Variants in PDE3A observed in about 807,000 individuals in gnomAD.
PDE3A encodes cGMP-inhibited 3',5'-cyclic phosphodiesterase 3A.
PDE3A carries 43 observed loss-of-function variants against 98.3 expected under a neutral mutation model. The observed-to-expected ratio is 0.44, with a 90% confidence interval of 0.34 to 0.56. PDE3A has a LOEUF of 0.56. PDE3A is among the 20% of genes least tolerant of loss of function. The probability of loss-of-function intolerance (pLI) is 0.01; values close to 1 mark genes in which losing one functional copy is unlikely to be tolerated. For missense variants in PDE3A, 1,427 were observed against 1,440.7 expected (o/e 0.99, Z 0.15); for synonymous variants, 663 against 567.9 (o/e 1.17, Z -2.38).
At chr12:20,484,116 G>T (rs1945680377) in intron 1 of PDE3A, among the ~76,000 whole-genome samples, 1 of 151,952 alleles carries the variant, frequency 6.6e-6, no homozygotes, top group African/African-American at 2.4e-5. Flanking sequence ...AATATTTTTA[G>T]CTGTTACCTA....
At chr12:20,588,582 A>G (rs933535518) in intron 2 of PDE3A, among the ~76,000 whole-genome samples, 1 of 152,200 alleles carries the variant, frequency 6.6e-6, no homozygotes, top group South Asian at 2.1e-4. Context: ...GATTCCGTGA[A>G]TTGACCCCAA....
At position 20,416,065 on chromosome 12, in the gene PDE3A, T is replaced by A. The variant is rs144387480; in HGVS notation, c.960+45821T>A. On this transcript the variant is annotated intron_variant, in intron 1 of 15. Transcript: ENST00000359062. ...ATACATGGTGGATCCCATCACTGTT[T>A]TATTTAGAAATACAAAATCAAGGTT... 6.6e-5 allele frequency among the ~76,000 whole-genome samples: 10 copies of A among 152,326 alleles called. No individual in the cohort carries two copies. In the East Asian group the frequency reaches 1.9e-3, roughly 29 times the overall value.
chr12:20,531,682 T>A (rs1163857277), intron 1 of PDE3A, among the ~76,000 whole-genome samples: 1 of 152,124 alleles, frequency 6.6e-6, no homozygotes, highest in Admixed American at 6.5e-5. Context: ...AAAAAAAAAT[T>A]GCACTGTAAC....
intron 1 of PDE3A, among the ~76,000 whole-genome samples, chr12:20,415,422 A>G (rs199718620): frequency 1.6e-5 from 1 of 63,782 alleles, no homozygotes; most frequent in African/African-American, 3.9e-5. Flanking sequence ...ATTTATTTAT[A>G]TTTTTTATTT....
chr12:20,678,653 G>T (rs935833161), intron 15 of PDE3A, among the ~76,000 whole-genome samples: 1 of 152,200 alleles, frequency 6.6e-6, no homozygotes. Flanking sequence ...TCTTCATGAA[G>T]CTGGAACTGT....
chr12:20,659,338 A>G (rs1405701033), intron 15 of PDE3A, among the ~76,000 whole-genome samples: 1 of 152,162 alleles, frequency 6.6e-6, no homozygotes, highest in Non-Finnish European at 1.5e-5. Context: ...TTTCTGCAGT[A>G]TATCAAAATA....
In PDE3A at chr12:20,517,743, C is replaced by T. The variant is rs139253604; in HGVS notation, c.961-38917C>T. Among the ~76,000 whole-genome samples the T allele has an allele frequency of 4.2e-4, 64 of 152,272 alleles. No homozygotes were observed. The East Asian group carries it at 0.011, about 27-fold the overall frequency. ...CTCTCTTCAGGCTCAGTCAGTAGGT[C>T]AGGGAAATGTCATGTGGGGCCATTT... On this transcript the variant is annotated intron_variant, in intron 1 of 15. Coordinates refer to ENST00000359062, the MANE Select transcript of PDE3A (RefSeq NM_000921.5).
At chr12:20,582,833 G>A (rs963216327) in intron 2 of PDE3A, among the ~76,000 whole-genome samples, 12 of 152,146 alleles carry the variant, frequency 7.9e-5, no homozygotes, top group Admixed American at 2.6e-4. Context: ...AGAGGTGAAA[G>A]AATAAAGGGA....
chr12:20,530,221 C>T (rs527273759), intron 1 of PDE3A, among the ~76,000 whole-genome samples: 9 of 152,166 alleles, frequency 5.9e-5, no homozygotes, highest in South Asian at 2.1e-4. Context: ...CTTTGCTTAG[C>T]GTAAACACTC....
chr12:20,670,455 T>A (rs1322108972), intron 15 of PDE3A, among the ~76,000 whole-genome samples: 6 of 151,868 alleles, frequency 4.0e-5, no homozygotes, highest in African/African-American at 1.2e-4. Flanking sequence ...GAAGTAAAGC[T>A]CTCCTCAGCA....
rs768097010 is a variant in PDE3A at position 20,680,289 on chromosome 12, T to C, written c.*18T>C. On this transcript the variant is annotated 3_prime_UTR_variant, in exon 16 of 16. Transcript: ENST00000359062. ...ACCAGTGACAATGGATAGAATGGGCTGTGTTTCCAAACAGATTGACTTGTC... is the reference window on the plus strand; with the variant it reads ...ACCAGTGACAATGGATAGAATGGGCCGTGTTTCCAAACAGATTGACTTGTC... 3 of 1,612,646 alleles carry C rather than the reference T, an allele frequency of 1.9e-6. No individual in the cohort carries two copies. The highest frequency in any genetic ancestry group is 3.3e-5 in the Admixed American group (2 of 59,902).
chr12:20,610,928 G>C (rs1254628267), intron 2 of PDE3A, among the ~76,000 whole-genome samples: 10 of 151,894 alleles, frequency 6.6e-5, no homozygotes, highest in Admixed American at 5.9e-4. Flanking sequence ...TAGGACAAAA[G>C]ATACAAAGTA....
At chr12:20,388,811 A>G (rs968076286) in intron 1 of PDE3A, among the ~76,000 whole-genome samples, 3 of 152,038 alleles carry the variant, frequency 2.0e-5, no homozygotes, top group Non-Finnish European at 2.9e-5. Flanking sequence ...GCGTAAGACT[A>G]AGGAACTTTA....
rs1945806685 is a variant in PDE3A at position 20,682,240 on chromosome 12, T to G, written c.*1969T>G. The G allele has an allele frequency of 6.6e-6, 1 of 152,222 alleles. No individual in the cohort carries two copies. Among genetic ancestry groups the G allele is most frequent in the South Asian group, 2.1e-4 (1 of 4,834 alleles). The allele number at this position is 152,222 out of a possible 1,614,324, so 9.4% of individuals were successfully genotyped here. On this transcript the variant is annotated 3_prime_UTR_variant, in exon 16 of 16. Coordinates refer to ENST00000359062, the MANE Select transcript of PDE3A (RefSeq NM_000921.5). The stretch of plus-strand genomic sequence containing the variant: ...TTCCAACACTGTTTGTTATGATTCT[T>G]CCTTGAGTACTTATATACAGACCTG...
chr12:20,421,126 C>A (rs10770655), intron 1 of PDE3A, among the ~76,000 whole-genome samples: 112,106 of 152,104 alleles, frequency 0.74, 41,672 homozygotes, highest in East Asian at 0.98. Context: ...TTAGACAAAA[C>A]CATGTTCCTT....
chr12:20,676,043 A>G (rs960040824), intron 15 of PDE3A, among the ~76,000 whole-genome samples: 1 of 152,076 alleles, frequency 6.6e-6, no homozygotes, highest in Admixed American at 6.6e-5. Context: ...ATTGTTATGT[A>G]TATCTTTTGT....
At chr12:20,616,822 T>G (rs1944019834) in intron 4 of PDE3A, among the ~76,000 whole-genome samples, 1 of 151,996 alleles carries the variant, frequency 6.6e-6, no homozygotes, top group Non-Finnish European at 1.5e-5. Flanking sequence ...AAAGAGCAAA[T>G]CAAAAGTAGA....
At position 20,492,249 on chromosome 12, in the gene PDE3A, G is replaced by T. The variant is rs189426274; in HGVS notation, c.961-64411G>T. Among the ~76,000 whole-genome samples the T allele has an allele frequency of 7.9e-5, 12 of 152,250 alleles. No homozygotes were observed. In the East Asian group the frequency reaches 2.3e-3, roughly 29 times the overall value. ...TCCTCCCACCTCGCCCTCACAAAGT[G>T]CTGGGATTACAAGTGTGAGCCACTG... On this transcript the variant is annotated intron_variant, in intron 1 of 15. Coordinates refer to ENST00000359062, the MANE Select transcript of PDE3A (RefSeq NM_000921.5).
chr12:20,654,669 TTTTTTTTTTTTTTTTTGTA>T (rs1286632669), intron 15 of PDE3A, among the ~76,000 whole-genome samples: 9 of 132,496 alleles, frequency 6.8e-5, no homozygotes, highest in Admixed American at 4.5e-4. Flanking sequence ...GCTTTTTTTT[TTTTTTTTTTTTTTTTTGTA>T]TTTTGAGTAG....
Sources: allele counts gnomAD v4.1 joint callset (sites outside exome capture counted in the v4.1 genomes callset), GRCh38; gene constraint gnomAD v4.1.1; transcripts MANE v1.5; gene names NCBI Gene and HGNC (gene_info 2026-07-23, HGNC 2026-07-21).